The following RBM39 variants were observed in gnomAD, a reference collection of about 807,000 sequenced individuals.
RBM39 encodes the protein RNA-binding protein 39.
RBM39 carries 12 observed loss-of-function variants against 79.6 expected under a neutral mutation model. The ratio of observed to expected loss-of-function variants is 0.15; its 90% CI spans 0.10 to 0.24. The LOEUF (loss-of-function observed/expected upper bound fraction) is 0.24. RBM39 is among the 10% of genes least tolerant of loss of function. RBM39 has a pLI of 1.00. For synonymous variants in RBM39, 185 were observed against 208.4 expected (o/e 0.89, Z 0.97); for missense variants, 243 against 653.4 (o/e 0.37, Z 6.85).
At chr20:35,741,719 C>CAGGT (rs1231444730) in intron 1 of RBM39, 1 of 152,460 alleles carries the variant, frequency 6.6e-6, no homozygotes, top group Non-Finnish European at 1.5e-5. Flanking sequence ...TCGAAGGAGA[C>CAGGT]AGGTCACCAT....
At chr20:35,714,161 T>C (rs1446216580) in intron 11 of RBM39, 24 bp downstream of exon 11, 1 of 1,604,976 alleles carries the variant, frequency 6.2e-7, no homozygotes, top group Non-Finnish European at 8.5e-7. Context: ...CAGTAAATCA[T>C]TCGTAATAGC....
intron 9 of RBM39, among the ~76,000 whole-genome samples, chr20:35,719,290 C>CA (rs1393495137): frequency 3.3e-5 from 5 of 152,140 alleles, no homozygotes. Context: ...ACTCGGCCCC[C>CA]AAAAGTGCAG....
chr20:35,738,858 G>T, intron 3 of RBM39, 110 bp downstream of exon 3: 1 of 959,984 alleles, frequency 1.0e-6, no homozygotes, highest in East Asian at 2.7e-5. Flanking sequence ...AAGCAGCAAA[G>T]AAAAGCTTCA....
intron 3 of RBM39, among the ~76,000 whole-genome samples, chr20:35,735,833 T>G (rs545143917): frequency 2.6e-5 from 4 of 152,200 alleles, no homozygotes; most frequent in Non-Finnish European, 5.9e-5. Flanking sequence ...AATCTCATGG[T>G]TAAAGAAAAT....
chr20:35,733,303 C>A (rs1228051444), intron 3 of RBM39, among the ~76,000 whole-genome samples: 1 of 136,286 alleles, frequency 7.3e-6, no homozygotes. Flanking sequence ...AACACCATCT[C>A]AAAAAAAAAA....
At chr20:35,736,402 C>A in intron 3 of RBM39, 1 of 303,844 alleles carries the variant, frequency 3.3e-6, no homozygotes, top group Non-Finnish European at 6.9e-6. Context: ...CATTTTTAAT[C>A]CATTACCACA....
At chr20:35,741,051 T>TTTTTTTTTTTTTTTTAG in intron 1 of RBM39, among the ~76,000 whole-genome samples, 164 bp from the exon 2 acceptor site, 1 of 133,766 alleles carries the variant, frequency 7.5e-6, no homozygotes, top group Non-Finnish European at 1.6e-5. Flanking sequence ...TTTTTTTTTT[T>TTTTTTTTTTTTTTTTAG]GAGACGGAGT....
At chr20:35,724,996 C>CA in intron 7 of RBM39, 42 bp downstream of exon 7, 3 of 1,349,004 alleles carry the variant, frequency 2.2e-6, no homozygotes, top group Non-Finnish European at 3.1e-6. Flanking sequence ...TTTTCTCTTG[C>CA]AATTTCTACC....
At chr20:35,713,221 C>T (rs960179075) in intron 11 of RBM39, 125 bp from the exon 12 acceptor site, 7 of 729,462 alleles carry the variant, frequency 9.6e-6, no homozygotes, top group East Asian at 5.8e-5. Flanking sequence ...TGGTGGTTGA[C>T]GCCTGTAACT....
intron 14 of RBM39, among the ~76,000 whole-genome samples, chr20:35,706,514 CAAA>C (rs568874986): frequency 6.8e-4 from 104 of 152,018 alleles, no homozygotes; most frequent in Admixed American, 1.7e-3. Context: ...GAAATCGAAA[CAAA>C]AATCTACATT....
chr20:35,732,280 TAAAAA>T (rs11479445), intron 3 of RBM39, 145 bp from the exon 4 acceptor site: 2 of 533,666 alleles, frequency 3.7e-6, no homozygotes, highest in African/African-American at 3.9e-5. Flanking sequence ...TAATCATACT[TAAAAA>T]AAAAAAAAAA....
chr20:35,727,495 T>C (rs1286772607), intron 6 of RBM39, among the ~76,000 whole-genome samples: 1 of 151,830 alleles, frequency 6.6e-6, no homozygotes, highest in East Asian at 1.9e-4. Context: ...CCTTTTTTTT[T>C]GTAGACAGTC....
In RBM39 at chr20:35,702,381, C is replaced by T. The variant is rs1488615745; in HGVS notation, c.*2100G>A. On this transcript the variant is annotated 3_prime_UTR_variant, in exon 17 of 17. Transcript: ENST00000253363. ...TCTATGCACGACACTATTCAAGTTA[C>T]TACACTCCAACCACATTTCCTCTGA... 1 of 152,214 alleles carries T rather than the reference C, an allele frequency of 6.6e-6. No homozygotes were observed. The highest frequency in any genetic ancestry group is 1.5e-5 in the Non-Finnish European group (1 of 68,044). 9.4% of individuals were successfully genotyped at this position (152,214 alleles called of 1,614,324 possible). A position where few individuals can be genotyped will look rare whatever the true frequency, so the allele number is the denominator to read the frequency against.
At chr20:35,717,332 C>T (rs1183402875) in intron 9 of RBM39, among the ~76,000 whole-genome samples, 1 of 150,054 alleles carries the variant, frequency 6.7e-6, no homozygotes, top group African/African-American at 2.4e-5. Flanking sequence ...ACTTCCCAAG[C>T]GAGAAATTAT....
At chr20:35,730,319 T>A (rs537508880) in intron 4 of RBM39, among the ~76,000 whole-genome samples, 1 of 152,214 alleles carries the variant, frequency 6.6e-6, no homozygotes. Flanking sequence ...CAGTTGTCCA[T>A]TAGTGCTCAT....
chr20:35,727,737 C>T (rs1490968876), intron 6 of RBM39, among the ~76,000 whole-genome samples: 1 of 151,778 alleles, frequency 6.6e-6, no homozygotes, highest in Non-Finnish European at 1.5e-5. Context: ...GCAACCTCCG[C>T]CTCTTGGGTT....
At chr20:35,729,210 C>A in intron 6 of RBM39, 102 bp downstream of exon 6, 2 of 1,049,672 alleles carry the variant, frequency 1.9e-6, no homozygotes, top group Non-Finnish European at 2.7e-6. Flanking sequence ...AAAGCAAAAG[C>A]AAGATTTAAT....
intron 10 of RBM39, among the ~76,000 whole-genome samples, chr20:35,714,641 G>C (rs1316614141): frequency 6.6e-6 from 1 of 152,176 alleles, no homozygotes; most frequent in South Asian, 2.1e-4. Context: ...TGAGAACATG[G>C]GGATTGTGGT....
intron 4 of RBM39, 80 bp from the exon 5 acceptor site, chr20:35,729,607 C>CT: frequency 7.8e-7 from 1 of 1,286,154 alleles, no homozygotes; most frequent in South Asian, 1.3e-5. Context: ...TCCAGCAAGA[C>CT]TAACATTGTT....
Sources: allele counts gnomAD v4.1 joint callset (sites outside exome capture counted in the v4.1 genomes callset), GRCh38; gene constraint gnomAD v4.1.1; transcripts MANE v1.5; gene names NCBI Gene and HGNC (gene_info 2026-07-23, HGNC 2026-07-21).